The following NCAPH2 variants were observed in gnomAD, a reference collection of about 807,000 sequenced individuals.
NCAPH2 encodes the protein condensin-2 complex subunit H2.
NCAPH2 carries 56 observed loss-of-function variants against 88.6 expected under a neutral mutation model. That is an observed-to-expected ratio of 0.63 (90% CI 0.51 to 0.79). The LOEUF (loss-of-function observed/expected upper bound fraction) is 0.79. Ranked by LOEUF, NCAPH2 falls within the 30% of genes least tolerant of loss-of-function variation. The pLI is 0.00. For missense variants in NCAPH2, 794 were observed against 792.0 expected, an observed-to-expected ratio of 1.00 and a Z score of -0.03; for synonymous variants, 378 against 313.6, an observed-to-expected ratio of 1.21 and a Z score of -2.17.
chr22:50,523,509 A>G lies in NCAPH2; in HGVS notation c.*134A>G. The G allele has an allele frequency of 3.2e-6, 5 of 1,550,304 alleles. No homozygotes were observed. In the South Asian group the frequency reaches 5.8e-5, roughly 18 times the overall value. ...AAAACCCTTTTATGTACACCTGCGCAGAGAAGAGGGCTGCCTGGCCTCCCT... is the reference window on the plus strand; with the variant it reads ...AAAACCCTTTTATGTACACCTGCGCGGAGAAGAGGGCTGCCTGGCCTCCCT... On this transcript the variant is annotated 3_prime_UTR_variant, in exon 20 of 20. Transcript: ENST00000420993.
intron 7 of NCAPH2, 41 bp downstream of exon 7, chr22:50,518,319 A>G: frequency 1.2e-6 from 2 of 1,600,544 alleles, no homozygotes; most frequent in Non-Finnish European, 1.7e-6. Context: ...GAAGGAAGGG[A>G]GGGTCTTCTG....
At chr22:50,520,862 C>G in intron 9 of NCAPH2, 103 bp from the exon 10 acceptor site, 5 of 1,357,024 alleles carry the variant, frequency 3.7e-6, no homozygotes, top group Non-Finnish European at 5.0e-6. Flanking sequence ...CACGCCCGAC[C>G]CTTGTAGGGT....
Position 50,524,335 on chromosome 22 carries a change from A to T in NCAPH2, c.*960A>T. The T allele has an allele frequency of 6.2e-7, 1 of 1,601,600 alleles. No homozygotes were observed. On this transcript the variant is annotated 3_prime_UTR_variant, in exon 20 of 20. Coordinates refer to ENST00000420993, the MANE Select transcript of NCAPH2 (RefSeq NM_152299.4). ...CCTCAGATGCAGGGCCTGGCCTCCCAGGGTCCCAGGGAGGACCCGAGGCTT... is the reference window on the plus strand; with the variant it reads ...CCTCAGATGCAGGGCCTGGCCTCCCTGGGTCCCAGGGAGGACCCGAGGCTT...
intron 9 of NCAPH2, 117 bp from the exon 10 acceptor site, chr22:50,520,848 C>A: frequency 8.5e-7 from 1 of 1,175,804 alleles, no homozygotes; most frequent in Non-Finnish European, 1.2e-6. Context: ...CAGGCATGAG[C>A]CACCACGCCC....
chr22:50,511,437 C>T (rs1445469499), intron 1 of NCAPH2, among the ~76,000 whole-genome samples: 4 of 143,880 alleles, frequency 2.8e-5, no homozygotes, highest in Admixed American at 6.7e-5. Context: ...CTACTGGCAC[C>T]CGCCACCACG....
At position 50,508,452 on chromosome 22, in the gene NCAPH2, G is replaced by C; in HGVS notation, c.108+7G>C. On this transcript the variant is annotated splice_region_variant and intron_variant, in intron 1 of 19. Transcript: ENST00000420993. Reference sequence around the variant, plus strand: ...GGGCGAGTATCTGGAGGAGGTAAGGGCGGCGGGGGAGTGACGCGGGGTGGG... The same window carrying C: ...GGGCGAGTATCTGGAGGAGGTAAGGCCGGCGGGGGAGTGACGCGGGGTGGG... 1 of 1,403,180 alleles carries C rather than the reference G, an allele frequency of 7.1e-7. No individual in the cohort carries two copies. The highest frequency in any genetic ancestry group is 9.3e-7 in the Non-Finnish European group (1 of 1,073,230). The allele number at this position is 1,403,180 out of a possible 1,614,324, so 86.9% of individuals were successfully genotyped here.
At chr22:50,513,361 A>G (rs113409283) in intron 1 of NCAPH2, among the ~76,000 whole-genome samples, 351 of 99,058 alleles carry the variant, frequency 3.5e-3, no homozygotes, top group Non-Finnish European at 4.0e-3. Flanking sequence ...CACTTTGGGG[A>G]GCCGAGGTGG....
Position 50,523,158 on chromosome 22 carries a change from C to T in NCAPH2, c.1669C>T (p.Leu557=), listed in dbSNP as rs771085252. The change falls in exon 19 of 20, where the codon CTG becomes TTG. Residue 557 remains leucine, a synonymous_variant. Transcript: ENST00000420993. ...FEVCRSMLAS[L]QLANDYTVEI... The stretch of plus-strand genomic sequence containing the variant: ...GGTGTGTCGTTCCATGCTGGCCTCC[C>T]TGCAGCTGGTGAGTAGCCTGGGATA... 3 of 1,613,674 alleles carry T rather than the reference C, an allele frequency of 1.9e-6. No individual in the cohort carries two copies. The highest frequency in any genetic ancestry group is 2.5e-6 in the Non-Finnish European group (3 of 1,179,966).
Position 50,523,553 on chromosome 22 carries a change from A to T in NCAPH2, c.*178A>T. ...CCTCCCTGGGCCGCTGGTACAGATC[A>T]CACACACACACAGATTAAACGCAGC... On this transcript the variant is annotated 3_prime_UTR_variant, in exon 20 of 20. Transcript: ENST00000420993. The T allele has an allele frequency of 7.0e-7, 1 of 1,424,540 alleles. No homozygotes were observed. The highest frequency in any genetic ancestry group is 1.2e-5 in the South Asian group (1 of 83,594). 88.2% of individuals were successfully genotyped at this position (1,424,540 alleles called of 1,614,324 possible). A position where few individuals can be genotyped will look rare whatever the true frequency, so the allele number is the denominator to read the frequency against.
chr22:50,523,806 A>G lies in NCAPH2; in HGVS notation c.*431A>G. ...CATTGTAGTACACGCGGTAACTGTG[A>G]CTAGCCTGGGCAACCTGTTTGGTGG... is the stretch of plus-strand genomic sequence containing the variant. On this transcript the variant is annotated 3_prime_UTR_variant, in exon 20 of 20. Transcript: ENST00000420993. 1.9e-6 allele frequency: 3 copies of G among 1,614,108 alleles called. No homozygotes were observed. In the South Asian group the frequency reaches 3.3e-5, roughly 18 times the overall value.
intron 4 of NCAPH2, 23 bp from the exon 5 acceptor site, chr22:50,517,718 C>G (rs1247555577): frequency 3.7e-6 from 6 of 1,613,972 alleles, no homozygotes; most frequent in South Asian, 1.1e-5. Context: ...GGCTCCGCCC[C>G]CACGAGCTCT....
chr22:50,522,448 G>C, intron 15 of NCAPH2, 33 bp downstream of exon 15: 1 of 1,613,098 alleles, frequency 6.2e-7, no homozygotes, highest in Non-Finnish European at 8.5e-7. Context: ...GGTGGGGCTT[G>C]GCACCTGCCG....
rs1290142570 is a variant in NCAPH2 at position 50,517,409 on chromosome 22, C to A, written c.211-18C>A. ...GCCCCTCCTTTCTGGGTCCTCACTG[C>A]CTGCATCTGGTCACCAGGTGGAATA... On this transcript the variant is annotated intron_variant, in intron 2 of 19. Transcript: ENST00000420993. 1.9e-6 allele frequency: 3 copies of A among 1,613,784 alleles called. No homozygotes were observed. The highest frequency in any genetic ancestry group is 2.5e-6 in the Non-Finnish European group (3 of 1,179,926).
Position 50,518,865 on chromosome 22 carries a change from G to A in NCAPH2, c.730+133G>A, listed in dbSNP as rs555011505. 680 of 926,238 alleles carry A rather than the reference G, an allele frequency of 7.3e-4. 2 individuals carry two copies. The highest frequency in any genetic ancestry group is 1.0e-3 in the Non-Finnish European group (643 of 632,190). The allele number at this position is 926,238 out of a possible 1,614,324, so 57.4% of individuals were successfully genotyped here. A position where few individuals can be genotyped will look rare whatever the true frequency, so the allele number is the denominator to read the frequency against. ...CATGCCCCTTCTGTGGCCCATGGGA[G>A]TGAGGCCTCGCCCCGGGGAAGCAGC... On this transcript the variant is annotated intron_variant, in intron 8 of 19. Transcript: ENST00000420993.
At position 50,523,357 on chromosome 22, in the gene NCAPH2, C is replaced by T. The variant is rs41282347; in HGVS notation, c.1800C>T (p.Pro600=). The change falls in exon 20 of 20, where the codon CCC becomes CCT. Residue 600 remains proline, a synonymous_variant. Transcript: ENST00000420993. ...AHKRFQTYAA[P]SMAQP ...AGCGCTTCCAGACCTACGCTGCCCC[C>T]TCCATGGCCCAGCCCTGAGTGGGGA... 0.043 allele frequency: 66,898 copies of T among 1,552,602 alleles called. 1,692 individuals are homozygous for T. Among genetic ancestry groups the T allele is most frequent in the Non-Finnish European group, 0.05 (57,808 of 1,148,380 alleles).
At chr22:50,520,886 C>T in intron 9 of NCAPH2, 79 bp from the exon 10 acceptor site, 4 of 1,502,314 alleles carry the variant, frequency 2.7e-6, no homozygotes, top group Non-Finnish European at 3.6e-6. Flanking sequence ...TGATGTTAAC[C>T]CAAGGTGGAG....
chr22:50,510,928 G>C (rs1017947229), intron 1 of NCAPH2, among the ~76,000 whole-genome samples: 4 of 148,816 alleles, frequency 2.7e-5, no homozygotes, highest in Non-Finnish European at 5.9e-5. Flanking sequence ...CTCACTGCAA[G>C]CTCTGCCTTC....
intron 9 of NCAPH2, 169 bp downstream of exon 9, chr22:50,519,489 G>A (rs2069024055): frequency 7.0e-7 from 1 of 1,436,486 alleles, no homozygotes; most frequent in Non-Finnish European, 9.1e-7. Context: ...CAGCCCTTTT[G>A]AAGAGCAGCT....
rs1303975900 is a variant in NCAPH2, at chr22:50,514,672, T to G, written c.109-1775T>G. Among the ~76,000 whole-genome samples, 3 of 152,220 alleles carry G rather than the reference T, an allele frequency of 2.0e-5. No individual in the cohort carries two copies. In the East Asian group the frequency reaches 5.8e-4, roughly 29 times the overall value. On this transcript the variant is annotated intron_variant, in intron 1 of 19. Transcript: ENST00000420993. ...AGGCCGCCATCTCCTCCATGTTCCC[T>G]TCTTTCTGGACCAGCTCTTCAGGTC...
Sources: allele counts gnomAD v4.1 joint callset (sites outside exome capture counted in the v4.1 genomes callset), GRCh38; gene constraint gnomAD v4.1.1; transcripts MANE v1.5; gene names NCBI Gene and HGNC (gene_info 2026-07-23, HGNC 2026-07-21).